The following TSPAN8 variants were observed in gnomAD, a reference collection of about 807,000 sequenced individuals.
TSPAN8 encodes the protein tetraspanin 8.
In TSPAN8, 21 loss-of-function variants were observed where a neutral mutation model predicts 32.8. The ratio of observed to expected loss-of-function variants is 0.64; its 90% CI spans 0.45 to 0.92. The LOEUF (loss-of-function observed/expected upper bound fraction) is 0.92, where lower values mean the gene tolerates loss of function less well. Among genes scored for constraint, TSPAN8 ranks in the 40% least tolerant of loss-of-function variants. TSPAN8 has a pLI of 0.00. For synonymous variants in TSPAN8, 95 were observed against 94.6 expected (o/e 1.00, Z -0.03); for missense variants, 269 against 281.9 (o/e 0.95, Z 0.33).
intron 4 of TSPAN8, among the ~76,000 whole-genome samples, chr12:71,138,949 A>G (rs1317897638): frequency 7.7e-6 from 1 of 130,106 alleles, no homozygotes; most frequent in African/African-American, 3.1e-5. Context: ...TCATATTTGT[A>G]TCTGATAAAC....
intron 2 of TSPAN8, among the ~76,000 whole-genome samples, chr12:71,153,334 A>C (rs1468344755): frequency 6.6e-6 from 1 of 152,024 alleles, no homozygotes; most frequent in East Asian, 1.9e-4. Context: ...CTTGCATCAA[A>C]CTCTAGCATG....
chr12:71,132,048 A>C (rs1239601155), intron 7 of TSPAN8, among the ~76,000 whole-genome samples: 1 of 152,222 alleles, frequency 6.6e-6, no homozygotes, highest in Non-Finnish European at 1.5e-5. Context: ...AATAAGAAGA[A>C]CTAGGACATC....
intron 2 of TSPAN8, among the ~76,000 whole-genome samples, chr12:71,154,905 C>A (rs1346333204): frequency 6.6e-6 from 1 of 152,120 alleles, no homozygotes; most frequent in Non-Finnish European, 1.5e-5. Context: ...TTCAAAAGAA[C>A]TTGAGTCACC....
chr12:71,156,244 G>C (rs1194944179), intron 2 of TSPAN8, among the ~76,000 whole-genome samples: 1 of 84,210 alleles, frequency 1.2e-5, no homozygotes, highest in African/African-American at 8.4e-5. Context: ...AATATTCAAA[G>C]TTCTCCAAAA....
intron 8 of TSPAN8, among the ~76,000 whole-genome samples, chr12:71,127,643 T>C (rs1009304401): frequency 6.6e-6 from 1 of 152,218 alleles, no homozygotes; most frequent in African/African-American, 2.4e-5. Flanking sequence ...TATTTAAACA[T>C]GTAATTAATA....
At chr12:71,153,588 T>C (rs1235870688) in intron 2 of TSPAN8, among the ~76,000 whole-genome samples, 1 of 152,212 alleles carries the variant, frequency 6.6e-6, no homozygotes, top group African/African-American at 2.4e-5. Flanking sequence ...CCTGGGCATC[T>C]ATAAGAAAAC....
At chr12:71,127,525 TTC>T (rs1427862093) in intron 8 of TSPAN8, among the ~76,000 whole-genome samples, 2 of 152,138 alleles carry the variant, frequency 1.3e-5, no homozygotes, top group African/African-American at 4.8e-5. Flanking sequence ...TCAAAAACGG[TTC>T]TGTTTTATGA....
intron 7 of TSPAN8, 93 bp downstream of exon 7, chr12:71,132,600 G>T: frequency 7.2e-7 from 1 of 1,383,522 alleles, no homozygotes; most frequent in Non-Finnish European, 9.9e-7. Context: ...GATTCCCATG[G>T]TACTCCATGC....
At chr12:71,146,591 T>G (rs1872086409) in intron 2 of TSPAN8, among the ~76,000 whole-genome samples, 1 of 152,174 alleles carries the variant, frequency 6.6e-6, no homozygotes, top group Admixed American at 6.5e-5. Flanking sequence ...TCTACTTTCG[T>G]TAATAACATT....
At chr12:71,134,564 C>A (rs1871620198) in intron 6 of TSPAN8, among the ~76,000 whole-genome samples, 1 of 152,198 alleles carries the variant, frequency 6.6e-6, no homozygotes. Context: ...CAGTTTGTTT[C>A]AAGGTCAGTA....
intron 4 of TSPAN8, 109 bp from the exon 5 acceptor site, chr12:71,138,339 G>T: frequency 2.8e-6 from 3 of 1,053,572 alleles, no homozygotes; most frequent in Non-Finnish European, 4.2e-6. Flanking sequence ...CACAGTGAGA[G>T]TGTCAGTCAC....
At position 71,136,914 on chromosome 12, in the gene TSPAN8, T is replaced by G. The variant is rs562477400; in HGVS notation, c.444+1039A>C. 5.9e-5 allele frequency among the ~76,000 whole-genome samples: 9 copies of G among 152,288 alleles called. No homozygotes were observed. The South Asian group carries it at 1.7e-3, about 28-fold the overall frequency. ...GCTACTGGATATAACACCTGCTACATAGTAGCAATTAATGTTAGCTATTAC... is the reference window on the plus strand; with the variant it reads ...GCTACTGGATATAACACCTGCTACAGAGTAGCAATTAATGTTAGCTATTAC... On this transcript the variant is annotated intron_variant, in intron 6 of 8. Transcript: ENST00000247829.
intron 2 of TSPAN8, 133 bp downstream of exon 2, chr12:71,157,486 C>T: frequency 3.2e-6 from 2 of 623,384 alleles, no homozygotes; most frequent in Non-Finnish European, 5.5e-6. Flanking sequence ...ACAAACAAAT[C>T]CAAACAAGTA....
chr12:71,154,947 C>A (rs1183263685), intron 2 of TSPAN8, among the ~76,000 whole-genome samples: 1 of 152,134 alleles, frequency 6.6e-6, no homozygotes, highest in African/African-American at 2.4e-5. Flanking sequence ...AGAGATGGAA[C>A]AAATTGCACA....
At chr12:71,139,217 C>T in intron 4 of TSPAN8, 1 of 457,452 alleles carries the variant, frequency 2.2e-6, no homozygotes, top group Non-Finnish European at 4.4e-6. Flanking sequence ...CCCAAGGCTT[C>T]TCAGTTCCCA....
intron 3 of TSPAN8, among the ~76,000 whole-genome samples, chr12:71,142,156 A>G (rs1359782354): frequency 6.6e-6 from 1 of 152,124 alleles, no homozygotes; most frequent in African/African-American, 2.4e-5. Flanking sequence ...AAAAATATAA[A>G]CCAAGCCAAT....
rs375743516 is a variant in TSPAN8 at position 71,138,155 on chromosome 12, C to T, written c.336+1G>A. On this transcript the variant is annotated splice_donor_variant, in intron 5 of 8. Coordinates refer to ENST00000247829, the MANE Select transcript of TSPAN8 (RefSeq NM_004616.3). LOFTEE classifies it high-confidence loss of function. ...AAATTTTCAAACATCTGTGCACACA[C>T]CTTAGATTTGAAAACAGCTCCTAGG... is the stretch of plus-strand genomic sequence containing the variant. 1.4e-5 allele frequency: 22 copies of T among 1,613,906 alleles called. No individual in the cohort carries two copies. Among genetic ancestry groups the T allele is most frequent in the East Asian group, 2.2e-5 (1 of 44,874 alleles).
chr12:71,148,893 C>T (rs1036555919), intron 2 of TSPAN8, among the ~76,000 whole-genome samples: 7 of 152,112 alleles, frequency 4.6e-5, no homozygotes, highest in Non-Finnish European at 7.3e-5. Flanking sequence ...TTATGGCCTC[C>T]ATTCACTGTT....
rs925516747 is a variant in TSPAN8 at position 71,132,790 on chromosome 12, T to A, written c.479A>T (p.Asp160Val). 2 of 1,613,840 alleles carry A rather than the reference T, an allele frequency of 1.2e-6. No homozygotes were observed. Among genetic ancestry groups the A allele is most frequent in the African/African-American group, 2.7e-5 (2 of 74,906 alleles). Residue 160 changes from aspartate (D) to valine (V), a missense_variant, in exon 7 of 9, where the codon GAT (aspartate) becomes GTT (valine). By Grantham distance (152) the Asp-to-Val change is radical. Coordinates refer to ENST00000247829, the MANE Select transcript of TSPAN8 (RefSeq NM_004616.3). ...KCCGLVNGAA[D>V]WGNNFQHYPE... ...ATAGTGTTGAAAATTATTTCCCCAA[T>A]CAGCAGCTCCATTGACCAAACCGCA... is the stretch of plus-strand genomic sequence containing the variant.
Sources: allele counts gnomAD v4.1 joint callset (sites outside exome capture counted in the v4.1 genomes callset), GRCh38; gene constraint gnomAD v4.1.1; transcripts MANE v1.5; gene names NCBI Gene and HGNC (gene_info 2026-07-23, HGNC 2026-07-21).